The following FRMD5 variants were observed in gnomAD, a reference collection of about 807,000 sequenced individuals.
FRMD5 encodes the protein FERM domain-containing protein 5.
FRMD5 carries 20 observed loss-of-function variants against 69.0 expected under a neutral mutation model. The ratio of observed to expected loss-of-function variants is 0.29; its 90% CI spans 0.20 to 0.42. The LOEUF is 0.42. Among genes scored for constraint, FRMD5 ranks in the 10% least tolerant of loss-of-function variants. FRMD5 has a pLI of 1.00. For missense variants in FRMD5, 595 were observed against 708.6 expected (o/e 0.84, Z 1.82); for synonymous variants, 271 against 260.1 (o/e 1.04, Z -0.40).
intron 1 of FRMD5, among the ~76,000 whole-genome samples, chr15:44,074,935 C>A (rs1893695427): frequency 6.6e-6 from 1 of 152,134 alleles, no homozygotes. Context: ...AACCTAAGCA[C>A]TAAGGAAAAG....
chr15:43,992,040 T>C (rs775846543), intron 1 of FRMD5, among the ~76,000 whole-genome samples: 46 of 152,176 alleles, frequency 3.0e-4, no homozygotes, highest in Admixed American at 1.0e-3. Context: ...TATCTTCTAT[T>C]AAAAAAATAC....
intron 1 of FRMD5, among the ~76,000 whole-genome samples, chr15:43,954,336 T>G (rs2090081985): frequency 6.6e-6 from 1 of 152,196 alleles, no homozygotes; most frequent in Admixed American, 6.5e-5. Context: ...AGCTCATCAC[T>G]GCACTGGGTA....
chr15:44,147,001 C>T lies in FRMD5; in HGVS notation c.102+47952G>A, dbSNP rs188007623. ...GAAGCTCTTTAGTTTAATTAGATCC[C>T]ATTTGTCAATTTTTGCTTTTGTTGC... On this transcript the variant is annotated intron_variant, in intron 1 of 13. Coordinates refer to ENST00000417257, the MANE Select transcript of FRMD5 (RefSeq NM_032892.5). 6.6e-5 allele frequency among the ~76,000 whole-genome samples: 10 copies of T among 152,252 alleles called. 1 individual carries two copies. Among genetic ancestry groups the T allele is most frequent in the Admixed American group, 4.6e-4 (7 of 15,304 alleles).
At chr15:44,058,582 C>G (rs184369537) in intron 1 of FRMD5, among the ~76,000 whole-genome samples, 3 of 152,078 alleles carry the variant, frequency 2.0e-5, no homozygotes, top group African/African-American at 7.2e-5. Flanking sequence ...GTCGGGAGAT[C>G]GAGACCATCC....
chr15:43,873,191 T>TGCTGTA lies in FRMD5; in HGVS notation c.*688_*693dup. 6.4e-7 allele frequency: 1 copy of TGCTGTA among 1,550,584 alleles called. No individual in the cohort carries two copies. The highest frequency in any genetic ancestry group is 1.2e-5 in the South Asian group (1 of 84,056). On this transcript the variant is annotated 3_prime_UTR_variant, in exon 14 of 14. Coordinates refer to ENST00000417257, the MANE Select transcript of FRMD5 (RefSeq NM_032892.5). Reference sequence around the variant, plus strand: ...CTTACCCCACCCCTGATGCTGCTGTTGCTGTAGCGGTGGTCCCTTCAGATG... The same window carrying TGCTGTA: ...CTTACCCCACCCCTGATGCTGCTGTTGCTGTAGCTGTAGCGGTGGTCCCTTCAGATG...
At chr15:44,144,745 T>C (rs746873565) in intron 1 of FRMD5, among the ~76,000 whole-genome samples, 1 of 152,222 alleles carries the variant, frequency 6.6e-6, no homozygotes, top group Non-Finnish European at 1.5e-5. Context: ...AGATTTTCCA[T>C]TCATTTTCTC....
intron 2 of FRMD5, among the ~76,000 whole-genome samples, chr15:43,923,762 G>A (rs1209071578): frequency 2.0e-5 from 3 of 152,090 alleles, no homozygotes; most frequent in African/African-American, 7.2e-5. Flanking sequence ...TGCAAGATCT[G>A]CAAGGTGCTG....
intron 4 of FRMD5, among the ~76,000 whole-genome samples, chr15:43,912,460 C>G (rs188615524): frequency 8.5e-5 from 13 of 152,222 alleles, no homozygotes; most frequent in African/African-American, 3.1e-4. Context: ...CCACCTTCCA[C>G]AGGCTTCAGC....
intron 1 of FRMD5, among the ~76,000 whole-genome samples, chr15:44,162,660 G>C (rs1368570058): frequency 6.6e-6 from 1 of 151,468 alleles, no homozygotes; most frequent in Admixed American, 6.6e-5. Context: ...CTGAGGTCAG[G>C]AGTTTGAGAC....
intron 1 of FRMD5, among the ~76,000 whole-genome samples, chr15:44,037,061 T>C (rs369064369): frequency 1.3e-4 from 20 of 152,288 alleles, no homozygotes; most frequent in Non-Finnish European, 2.2e-4. Context: ...TAGGTATGCA[T>C]GTGCCACGGT....
intron 1 of FRMD5, among the ~76,000 whole-genome samples, chr15:44,066,984 T>G (rs1231661999): frequency 2.0e-5 from 3 of 152,062 alleles, no homozygotes; most frequent in Non-Finnish European, 4.4e-5. Context: ...AAAATATTAT[T>G]GATGCTAGTG....
chr15:43,941,424 T>C (rs2089861538), intron 1 of FRMD5, among the ~76,000 whole-genome samples: 1 of 152,234 alleles, frequency 6.6e-6, no homozygotes, highest in South Asian at 2.1e-4. Flanking sequence ...TGGCTACTTG[T>C]ACATTTCTTT....
At chr15:44,155,736 G>A (rs1017269599) in intron 1 of FRMD5, among the ~76,000 whole-genome samples, 1 of 150,716 alleles carries the variant, frequency 6.6e-6, no homozygotes, top group African/African-American at 2.4e-5. Context: ...TGGGAATACA[G>A]GCACCCATCA....
chr15:44,043,724 G>T (rs1290435532), intron 1 of FRMD5, among the ~76,000 whole-genome samples: 1 of 152,132 alleles, frequency 6.6e-6, no homozygotes. Flanking sequence ...CTAGCCATAT[G>T]CAGAAAGCTG....
At chr15:43,920,317 G>A (rs1169400687) in intron 2 of FRMD5, among the ~76,000 whole-genome samples, 4 of 152,092 alleles carry the variant, frequency 2.6e-5, no homozygotes, top group African/African-American at 9.7e-5. Flanking sequence ...AGGGATGGCT[G>A]GTATATATTC....
Position 44,085,320 on chromosome 15 carries a change from A to G in FRMD5, c.102+109633T>C, listed in dbSNP as rs1428587159. Among the ~76,000 whole-genome samples the G allele has an allele frequency of 2.0e-5, 3 of 152,176 alleles. No individual in the cohort carries two copies. In the East Asian group the frequency reaches 5.8e-4, roughly 29 times the overall value. On this transcript the variant is annotated intron_variant, in intron 1 of 13. Transcript: ENST00000417257. Reference sequence around the variant, plus strand: ...GGAGATTAGACAAGAAATATAAAAAAGACTTATTTCTGTCAATAGGGTAGA... The same window carrying G: ...GGAGATTAGACAAGAAATATAAAAAGGACTTATTTCTGTCAATAGGGTAGA...
chr15:44,156,340 C>CA (rs372502359), intron 1 of FRMD5, among the ~76,000 whole-genome samples: 24 of 151,976 alleles, frequency 1.6e-4, no homozygotes, highest in African/African-American at 5.8e-4. Context: ...GACGGGGTTT[C>CA]ACCATATTGG....
intron 1 of FRMD5, among the ~76,000 whole-genome samples, chr15:44,155,838 G>A (rs550096558): frequency 2.6e-5 from 4 of 151,646 alleles, no homozygotes; most frequent in Admixed American, 6.6e-5. Context: ...CAAGTGATCC[G>A]CCCGCCTCAG....
At chr15:44,186,018 C>T (rs925167585) in intron 1 of FRMD5, among the ~76,000 whole-genome samples, 1 of 152,124 alleles carries the variant, frequency 6.6e-6, no homozygotes, top group Non-Finnish European at 1.5e-5. Context: ...ACCTTCGCCT[C>T]CCCAGTTCAA....
Sources: allele counts gnomAD v4.1 joint callset (sites outside exome capture counted in the v4.1 genomes callset), GRCh38; gene constraint gnomAD v4.1.1; transcripts MANE v1.5; gene names NCBI Gene and HGNC (gene_info 2026-07-23, HGNC 2026-07-21).